Variants in LRP1B observed in about 807,000 individuals in gnomAD.
The protein encoded by LRP1B is LDL receptor related protein 1B, also known as low-density lipoprotein receptor-related protein 1B.
LRP1B carries 217 observed loss-of-function variants against 556.6 expected under a neutral mutation model. That is an observed-to-expected ratio of 0.39 (90% CI 0.35 to 0.44). LRP1B has a LOEUF of 0.44. LRP1B is among the 20% of genes least tolerant of loss of function. The pLI is 1.00. For synonymous variants in LRP1B, 2,047 were observed against 1,865.8 expected (o/e 1.10, Z -2.50); for missense variants, 5,053 against 5,620.8 (o/e 0.90, Z 3.23).
intron 2 of LRP1B, among the ~76,000 whole-genome samples, chr2:141,667,048 G>A (rs1690467847): frequency 6.6e-6 from 1 of 152,034 alleles, no homozygotes; most frequent in Admixed American, 6.6e-5. Flanking sequence ...CTATTAGAGA[G>A]GCAAAGTTCC....
At chr2:141,667,507 A>G (rs1405252859) in intron 2 of LRP1B, among the ~76,000 whole-genome samples, 1 of 152,234 alleles carries the variant, frequency 6.6e-6, no homozygotes, top group Non-Finnish European at 1.5e-5. Context: ...CTCCCCAAAG[A>G]TACTCCTGGA....
intron 37 of LRP1B, among the ~76,000 whole-genome samples, chr2:140,705,388 G>C (rs1162635629): frequency 2.6e-5 from 4 of 151,462 alleles, no homozygotes. Context: ...GCCTAGCATG[G>C]TGGCATGTGC....
At chr2:141,866,084 T>C (rs1189709461) in intron 1 of LRP1B, among the ~76,000 whole-genome samples, 3 of 152,236 alleles carry the variant, frequency 2.0e-5, no homozygotes, top group Non-Finnish European at 4.4e-5. Context: ...TTGAGGATTT[T>C]AGTGACCCCC....
rs978836727 is a variant in LRP1B at position 140,669,809 on chromosome 2, C to T, written c.6799+30441G>A. 3.3e-5 allele frequency among the ~76,000 whole-genome samples: 5 copies of T among 152,102 alleles called. No individual in the cohort carries two copies. In the East Asian group the frequency reaches 9.6e-4, roughly 29 times the overall value. The stretch of plus-strand genomic sequence containing the variant: ...AAAAATTGTTTAGATTGTTTCGAAT[C>T]GTCCATGTCTTATACAATATTTCAC... On this transcript the variant is annotated intron_variant, in intron 41 of 90. Coordinates refer to ENST00000389484, the MANE Select transcript of LRP1B (RefSeq NM_018557.3).
chr2:141,698,345 C>T (rs1418329071), intron 2 of LRP1B, among the ~76,000 whole-genome samples: 1 of 151,716 alleles, frequency 6.6e-6, no homozygotes, highest in East Asian at 2.0e-4. Context: ...ATGGTGAGTG[C>T]TGTACAGGAT....
intron 31 of LRP1B, among the ~76,000 whole-genome samples, chr2:140,833,450 G>A (rs542078552): frequency 6.6e-5 from 10 of 152,032 alleles, no homozygotes; most frequent in South Asian, 4.1e-4. Flanking sequence ...AAAATCTTAC[G>A]TGTTTTTATT....
In LRP1B at chr2:142,088,616, C is replaced by T. The variant is rs560877632; in HGVS notation, c.82+42032G>A. Among the ~76,000 whole-genome samples, 3 of 152,186 alleles carry T rather than the reference C, an allele frequency of 2.0e-5. No homozygotes were observed. In the South Asian group the frequency reaches 6.2e-4, roughly 32 times the overall value. ...TCAAACTAGCCTTTCAATAATAATG[C>T]TTTGTTAACATTATTAAAATATCAA... is the stretch of plus-strand genomic sequence containing the variant. On this transcript the variant is annotated intron_variant, in intron 1 of 90. Transcript: ENST00000389484.
At chr2:141,935,914 G>A (rs1435662901) in intron 1 of LRP1B, among the ~76,000 whole-genome samples, 1 of 152,146 alleles carries the variant, frequency 6.6e-6, no homozygotes, top group Non-Finnish European at 1.5e-5. Flanking sequence ...ATGAGACCCT[G>A]TCTCTTAAAA....
At chr2:140,818,129 TGG>T (rs1691192239) in intron 31 of LRP1B, among the ~76,000 whole-genome samples, 1 of 65,928 alleles carries the variant, frequency 1.5e-5, no homozygotes, top group Non-Finnish European at 5.9e-5. Context: ...TAAATTTTGC[TGG>T]AAAGAGTATC....
intron 3 of LRP1B, among the ~76,000 whole-genome samples, chr2:141,298,848 G>A (rs1470864848): frequency 7.3e-5 from 11 of 151,708 alleles, no homozygotes. Flanking sequence ...CAGCTACTTG[G>A]GAGGCTGAAG....
chr2:142,052,915 C>T (rs1704515849), intron 1 of LRP1B, among the ~76,000 whole-genome samples: 5 of 152,068 alleles, frequency 3.3e-5, no homozygotes, highest in Admixed American at 3.3e-4. Flanking sequence ...AGTAATTATA[C>T]AAGTGACCAT....
intron 1 of LRP1B, among the ~76,000 whole-genome samples, chr2:142,087,283 T>TCTAC (rs200805841): frequency 7.6e-5 from 1 of 13,178 alleles, no homozygotes; most frequent in Non-Finnish European, 3.7e-3. Context: ...ATTCAAATAA[T>TCTAC]CTTCCTATGT....
At chr2:141,655,949 A>G (rs942424197) in intron 2 of LRP1B, among the ~76,000 whole-genome samples, 3 of 152,150 alleles carry the variant, frequency 2.0e-5, no homozygotes, top group African/African-American at 7.2e-5. Flanking sequence ...AAACACTTCC[A>G]TGGAACTTAC....
intron 7 of LRP1B, among the ~76,000 whole-genome samples, chr2:141,155,730 C>A: frequency 6.6e-6 from 1 of 152,036 alleles, no homozygotes; most frequent in Non-Finnish European, 1.5e-5. Flanking sequence ...TGCCACCTTG[C>A]TGACAGAATT....
At chr2:140,443,250 AG>A (rs757132078) in intron 65 of LRP1B, among the ~76,000 whole-genome samples, 6 of 152,016 alleles carry the variant, frequency 3.9e-5, no homozygotes, top group Non-Finnish European at 8.8e-5. Flanking sequence ...TATTAGAGAT[AG>A]GGTTTCACCA....
At chr2:140,274,748 T>A in intron 84 of LRP1B, 150 bp from the exon 85 acceptor site, 3 of 620,768 alleles carry the variant, frequency 4.8e-6, no homozygotes, top group Non-Finnish European at 8.2e-6. Flanking sequence ...GAAGTAGAAT[T>A]CTTTAATAAT....
chr2:141,479,722 C>T (rs1189003939), intron 3 of LRP1B, among the ~76,000 whole-genome samples: 1 of 152,130 alleles, frequency 6.6e-6, no homozygotes, highest in East Asian at 1.9e-4. Flanking sequence ...CTGTTTTCTT[C>T]TGCTCTTATT....
At chr2:140,737,386 T>C (rs1381590245) in intron 35 of LRP1B, among the ~76,000 whole-genome samples, 2 of 152,172 alleles carry the variant, frequency 1.3e-5, no homozygotes, top group African/African-American at 2.4e-5. Flanking sequence ...AGCATCATCA[T>C]TGACCCCTAT....
intron 20 of LRP1B, among the ~76,000 whole-genome samples, chr2:140,932,884 T>TACACACACACAC (rs781052076): frequency 1.4e-4 from 2 of 13,812 alleles, no homozygotes; most frequent in Non-Finnish European, 2.8e-4. Context: ...TCTCTCTCCC[T>TACACACACACAC]ATACACACAC....
Sources: gnomAD v4.1 joint callset for allele counts (sites outside exome capture counted in the v4.1 genomes callset) on GRCh38, gnomAD v4.1.1 for gene constraint, MANE v1.5 for transcripts, NCBI Gene and HGNC (gene_info 2026-07-23, HGNC 2026-07-21) for gene names.